PTPRG: variants seen among roughly 807,000 people sequenced by gnomAD.
PTPRG encodes protein tyrosine phosphatase receptor type G, also known as receptor-type tyrosine-protein phosphatase gamma.
In PTPRG, 102 loss-of-function variants were observed where a neutral mutation model predicts 165.3. That is an observed-to-expected ratio of 0.62 (90% CI 0.53 to 0.73). PTPRG has a LOEUF of 0.73. PTPRG is among the 30% of genes least tolerant of loss of function. The pLI is 0.00. For synonymous variants in PTPRG, 675 were observed against 669.5 expected (o/e 1.01, Z -0.13); for missense variants, 1,866 against 1,861.4 (o/e 1.00, Z -0.05).
intron 1 of PTPRG, among the ~76,000 whole-genome samples, chr3:61,747,987 G>C (rs1433585786): frequency 6.6e-6 from 1 of 152,212 alleles, no homozygotes; most frequent in East Asian, 1.9e-4. Flanking sequence ...CCATGAGGTA[G>C]CTGGGAAGAG....
chr3:62,169,134 G>A (rs767658943), intron 8 of PTPRG, among the ~76,000 whole-genome samples: 3 of 151,972 alleles, frequency 2.0e-5, no homozygotes, highest in East Asian at 1.9e-4. Flanking sequence ...GGGATATGGC[G>A]GGCCAAAAGG....
intron 4 of PTPRG, among the ~76,000 whole-genome samples, chr3:62,013,462 T>C (rs1258807963): frequency 6.6e-6 from 1 of 152,216 alleles, no homozygotes; most frequent in Non-Finnish European, 1.5e-5. Flanking sequence ...GTAGCAGGTA[T>C]GTACAGTGAA....
intron 2 of PTPRG, among the ~76,000 whole-genome samples, chr3:61,799,584 C>T (rs1272037358): frequency 6.6e-6 from 1 of 152,194 alleles, no homozygotes; most frequent in Non-Finnish European, 1.5e-5. Flanking sequence ...AAGTTTTCCT[C>T]ATAATTACAT....
At chr3:61,603,424 T>C (rs62243059) in intron 1 of PTPRG, among the ~76,000 whole-genome samples, 17,639 of 152,188 alleles carry the variant, frequency 0.12, 1,143 homozygotes, top group African/African-American at 0.17. Context: ...TCTGCCATGA[T>C]TGAAAGCTCC....
At chr3:62,044,555 A>C (rs961520314) in intron 4 of PTPRG, among the ~76,000 whole-genome samples, 10 of 152,262 alleles carry the variant, frequency 6.6e-5, no homozygotes, top group African/African-American at 2.2e-4. Flanking sequence ...AAAAGGAAAA[A>C]AAATGGCTAA....
intron 2 of PTPRG, among the ~76,000 whole-genome samples, chr3:61,956,266 G>A (rs947280794): frequency 3.1e-5 from 4 of 128,418 alleles, no homozygotes; most frequent in South Asian, 2.7e-4. Context: ...GCTCACTCGC[G>A]TGCACGCTGT....
chr3:61,593,543 T>A (rs977758503), intron 1 of PTPRG, among the ~76,000 whole-genome samples: 45 of 152,168 alleles, frequency 3.0e-4, no homozygotes, highest in Admixed American at 1.4e-3. Flanking sequence ...CTCCTTTTCT[T>A]AGCTAAACAA....
At chr3:61,784,351 A>C (rs112326644) in intron 2 of PTPRG, among the ~76,000 whole-genome samples, 92 of 152,086 alleles carry the variant, frequency 6.0e-4, no homozygotes, top group Non-Finnish European at 5.1e-4. Flanking sequence ...CCCTTCCTTC[A>C]TTTTTTTCAG....
intron 2 of PTPRG, among the ~76,000 whole-genome samples, chr3:61,915,039 A>G (rs142355255): frequency 6.6e-6 from 1 of 152,188 alleles, no homozygotes; most frequent in Non-Finnish European, 1.5e-5. Flanking sequence ...GGCCAGCCTG[A>G]ACAACATGGT....
intron 2 of PTPRG, among the ~76,000 whole-genome samples, chr3:61,936,981 G>C (rs2039497682): frequency 6.6e-6 from 1 of 152,162 alleles, no homozygotes; most frequent in African/African-American, 2.4e-5. Context: ...AATCCCCACA[G>C]GTATCTTGCG....
chr3:62,283,009 G>A (rs891840039), intron 28 of PTPRG, 140 bp downstream of exon 28: 11 of 734,070 alleles, frequency 1.5e-5, no homozygotes, highest in Non-Finnish European at 2.2e-5. Context: ...TTTCTACTGT[G>A]GACATGTACA....
rs370541171 is a variant in PTPRG at position 62,107,498 on chromosome 3, A to C, written c.616-25104A>C. 5.7e-4 allele frequency among the ~76,000 whole-genome samples: 87 copies of C among 152,334 alleles called. 1 individual carries two copies. The East Asian group carries it at 0.012, about 22-fold the overall frequency. On this transcript the variant is annotated intron_variant, in intron 5 of 29. Transcript: ENST00000474889. ...CAGGCAATAACCTGCTAACTTGAAGACATGTTTATTTCTGCTATAAATACC... is the reference window on the plus strand; with the variant it reads ...CAGGCAATAACCTGCTAACTTGAAGCCATGTTTATTTCTGCTATAAATACC...
At chr3:61,892,775 C>T (rs2038251503) in intron 2 of PTPRG, among the ~76,000 whole-genome samples, 1 of 151,140 alleles carries the variant, frequency 6.6e-6, no homozygotes. Context: ...GAGATCGTGT[C>T]ATTGCGCTCC....
At chr3:62,124,344 G>T in intron 5 of PTPRG, 2 of 1,612,306 alleles carry the variant, frequency 1.2e-6, no homozygotes, top group Non-Finnish European at 1.7e-6. Flanking sequence ...CTCTGGTGAT[G>T]CAGGCTGACA....
At position 62,294,794 on chromosome 3, in the gene PTPRG, G is replaced by A. The variant is rs938367482; in HGVS notation, c.*1487G>A. 1.3e-5 allele frequency: 2 copies of A among 152,124 alleles called. No individual in the cohort carries two copies. The highest frequency in any genetic ancestry group is 2.9e-5 in the Non-Finnish European group (2 of 68,016). 9.4% of individuals were successfully genotyped at this position (152,124 alleles called of 1,614,324 possible). Reference sequence around the variant, plus strand: ...AGAACTGGGCCTGTTAGGAAGAATAGGGTTTTATTTACTTTTTATGTCAAT... The same window carrying A: ...AGAACTGGGCCTGTTAGGAAGAATAAGGTTTTATTTACTTTTTATGTCAAT... On this transcript the variant is annotated 3_prime_UTR_variant, in exon 30 of 30. Transcript: ENST00000474889.
At chr3:62,010,960 G>A (rs1166967135) in intron 4 of PTPRG, among the ~76,000 whole-genome samples, 1 of 152,180 alleles carries the variant, frequency 6.6e-6, no homozygotes, top group African/African-American at 2.4e-5. Context: ...ACCAGAGAGT[G>A]AGTGCAGTAG....
chr3:61,583,110 T>G (rs928605505), intron 1 of PTPRG, among the ~76,000 whole-genome samples: 4 of 152,198 alleles, frequency 2.6e-5, no homozygotes, highest in Non-Finnish European at 2.9e-5. Flanking sequence ...GTCTGGGACT[T>G]GGACCCATAT....
intron 2 of PTPRG, among the ~76,000 whole-genome samples, chr3:61,914,947 T>C (rs1261525450): frequency 6.6e-6 from 1 of 152,202 alleles, no homozygotes; most frequent in Non-Finnish European, 1.5e-5. Context: ...AATAATTAAG[T>C]GGGCTGGGTG....
intron 4 of PTPRG, among the ~76,000 whole-genome samples, chr3:62,009,608 G>T (rs771841273): frequency 6.6e-6 from 1 of 152,280 alleles, no homozygotes; most frequent in South Asian, 2.1e-4. Context: ...GTCACATTTT[G>T]GTTGGAGAGT....
Sources: allele counts gnomAD v4.1 joint callset (sites outside exome capture counted in the v4.1 genomes callset), GRCh38; gene constraint gnomAD v4.1.1; transcripts MANE v1.5; gene names NCBI Gene and HGNC (gene_info 2026-07-23, HGNC 2026-07-21).